Variants in ZNF236 observed in about 807,000 individuals in gnomAD.
ZNF236 encodes the protein zinc finger protein 236.
A neutral mutation model predicts 191.2 loss-of-function variants in ZNF236; 50 were observed. The observed-to-expected ratio is 0.26, with a 90% CI of 0.21 to 0.33. The LOEUF is 0.33. Ranked by LOEUF, ZNF236 falls within the 10% of genes least tolerant of loss-of-function variation. The probability of loss-of-function intolerance (pLI) is 1.00; values close to 1 mark genes in which losing one functional copy is unlikely to be tolerated. For missense variants in ZNF236, 1,754 were observed against 2,374.5 expected (o/e 0.74, Z 5.43); for synonymous variants, 907 against 928.8 (o/e 0.98, Z 0.43).
chr18:76,878,642 GACAT>G (rs962589961), intron 7 of ZNF236, among the ~76,000 whole-genome samples: 13 of 151,684 alleles, frequency 8.6e-5, no homozygotes, highest in East Asian at 7.8e-4. Context: ...CACACACAGG[GACAT>G]ACACCCACTC....
At chr18:76,889,535 C>T (rs1413284215) in intron 9 of ZNF236, among the ~76,000 whole-genome samples, 2 of 152,162 alleles carry the variant, frequency 1.3e-5, no homozygotes, top group African/African-American at 4.8e-5. Context: ...ACGTGGACCT[C>T]ACTGGCCATC....
intron 25 of ZNF236, among the ~76,000 whole-genome samples, chr18:76,936,915 G>T (rs1231178379): frequency 1.3e-5 from 2 of 152,128 alleles, no homozygotes; most frequent in African/African-American, 4.8e-5. Flanking sequence ...TTGTTTACTG[G>T]TTTTTCTCTG....
rs554578738 is a variant in ZNF236, at chr18:76,958,852, C to T, written c.5113-835C>T. Among the ~76,000 whole-genome samples the T allele has an allele frequency of 1.2e-3, 182 of 152,308 alleles. 3 individuals carry two copies. The highest frequency in any genetic ancestry group is 2.2e-3 in the Non-Finnish European group (152 of 68,034). On this transcript the variant is annotated intron_variant, in intron 28 of 30. Transcript: ENST00000320610. ...AGACTGTGCTGGGCCTTGAGCAGTG[C>T]GACATACGCAGCTGGAACACAGGCG... is the stretch of plus-strand genomic sequence containing the variant.
Position 76,925,072 on chromosome 18 carries a change from A to T in ZNF236, c.3662-117A>T. ...CTTATAGGTGAAAGGGATTCTCATT[A>T]AAGTACTTCCATCCACTGATTCAAC... On this transcript the variant is annotated intron_variant, in intron 21 of 30. Coordinates refer to ENST00000320610, the MANE Select transcript of ZNF236 (RefSeq NM_001306089.2). This position sits in a 1 kb window ranked among gnomAD's most constrained non-coding sequence, Gnocchi z 5.7. 1 of 1,444,924 alleles carries T rather than the reference A, an allele frequency of 6.9e-7. No homozygotes were observed. Among genetic ancestry groups the T allele is most frequent in the Non-Finnish European group, 9.3e-7 (1 of 1,076,382 alleles). The allele number at this position is 1,444,924 out of a possible 1,614,324, so 89.5% of individuals were successfully genotyped here.
At position 76,925,304 on chromosome 18, in the gene ZNF236, G is replaced by T. The variant is rs1967643336; in HGVS notation, c.3777G>T (p.Glu1259Asp). 1.9e-6 allele frequency: 3 copies of T among 1,614,188 alleles called. No homozygotes were observed. The highest frequency in any genetic ancestry group is 2.5e-6 in the Non-Finnish European group (3 of 1,180,054). ...GAKPFKCPHC[E>D]LRFRTSGRRK... The stretch of plus-strand genomic sequence containing the variant: ...AGCCCTTCAAATGCCCGCATTGCGA[G>T]CTGCGTTTCCGTACCTCGGGTAGAA... The change falls in exon 22 of 31, where the codon GAG (glutamate) becomes GAT (aspartate). Residue 1259 changes from glutamate (E) to aspartate (D), a missense_variant. Glu to Asp is a conservative substitution (Grantham distance 45). Around this residue, in one of 5 missense-constraint regions of ZNF236, gnomAD observed 45 missense variants for 137.4 expected, o/e 0.33. Coordinates refer to ENST00000320610, the MANE Select transcript of ZNF236 (RefSeq NM_001306089.2). The surrounding 1 kb of genome is among the most constrained non-coding windows in gnomAD (Gnocchi z 5.7).
At chr18:76,865,175 A>G (rs778605178) in intron 3 of ZNF236, among the ~76,000 whole-genome samples, 3 of 152,214 alleles carry the variant, frequency 2.0e-5, no homozygotes, top group Non-Finnish European at 2.9e-5. Flanking sequence ...CATCTCTACT[A>G]AAAATACAAA....
At chr18:76,909,390 G>A (rs1477422549) in intron 14 of ZNF236, among the ~76,000 whole-genome samples, 8 of 151,066 alleles carry the variant, frequency 5.3e-5, no homozygotes, top group African/African-American at 7.3e-5. Flanking sequence ...TTTTATCCCC[G>A]GTATATTGAG....
intron 11 of ZNF236, among the ~76,000 whole-genome samples, chr18:76,901,771 G>A (rs1008065128): frequency 9.9e-5 from 15 of 151,796 alleles, no homozygotes; most frequent in Non-Finnish European, 1.5e-4. Flanking sequence ...AAAAAAAAAA[G>A]TCTGATAATT....
intron 1 of ZNF236, chr18:76,824,504 TTTTGAGTTTTGGC>T: frequency 1.3e-6 from 1 of 777,676 alleles, no homozygotes. Flanking sequence ...CCTCTCCCGC[TTTTGAGTTTTGGC>T]CTTGACCTTA....
intron 1 of ZNF236, among the ~76,000 whole-genome samples, chr18:76,827,141 C>T (rs553045446): frequency 6.6e-6 from 1 of 151,788 alleles, no homozygotes; most frequent in African/African-American, 2.4e-5. Flanking sequence ...GGTGATCCTC[C>T]CACCTCGCCC....
At position 76,925,597 on chromosome 18, in the gene ZNF236, A is replaced by G. The variant is rs1437433878; in HGVS notation, c.4027+43A>G. 3 of 1,592,562 alleles carry G rather than the reference A, an allele frequency of 1.9e-6. No individual in the cohort carries two copies. The South Asian group carries it at 3.4e-5, about 18-fold the overall frequency. ...GGAATGAGAGCAGCACAGTGATTGA[A>G]CTGTTCTGTGCTGCTTCTGTCTGTT... is the stretch of plus-strand genomic sequence containing the variant. On this transcript the variant is annotated intron_variant, in intron 22 of 30. Transcript: ENST00000320610. This position sits in a 1 kb window ranked among gnomAD's most constrained non-coding sequence, Gnocchi z 5.7.
chr18:76,960,599 C>G lies in ZNF236; in HGVS notation c.5243-80C>G. On this transcript the variant is annotated intron_variant, in intron 29 of 30. Transcript: ENST00000320610. The surrounding 1 kb of genome is among the most constrained non-coding windows in gnomAD (Gnocchi z 4.4). ...AAGAAAAGAGGAACATTCAGTCCCT[C>G]TTGTTCATACCTCAGGGTAGAGCCC... 5 of 1,529,310 alleles carry G rather than the reference C, an allele frequency of 3.3e-6. No homozygotes were observed. The highest frequency in any genetic ancestry group is 1.7e-5 in the Admixed American group (1 of 58,234). 94.7% of individuals were successfully genotyped at this position (1,529,310 alleles called of 1,614,324 possible).
At chr18:76,823,308 A>G (rs1465378996) in intron 1 of ZNF236, among the ~76,000 whole-genome samples, 4 of 151,984 alleles carry the variant, frequency 2.6e-5, no homozygotes, top group Non-Finnish European at 5.9e-5. Flanking sequence ...AGTAGGCGCC[A>G]TTGTGATCCG....
At chr18:76,913,659 T>C (rs1231524662) in intron 17 of ZNF236, 88 bp from the exon 18 acceptor site, 2 of 1,417,702 alleles carry the variant, frequency 1.4e-6, no homozygotes, top group Non-Finnish European at 1.9e-6. Flanking sequence ...TTGGTGAAGC[T>C]TGTTTGCTTT....
intron 26 of ZNF236, 37 bp from the exon 27 acceptor site, chr18:76,947,484 A>C: frequency 6.3e-7 from 1 of 1,591,550 alleles, no homozygotes; most frequent in Non-Finnish European, 8.6e-7. Flanking sequence ...GTTTTGCTAA[A>C]GTTACAACTT....
chr18:76,856,123 T>C (rs567875134), intron 3 of ZNF236, among the ~76,000 whole-genome samples: 2 of 151,990 alleles, frequency 1.3e-5, no homozygotes, highest in Admixed American at 6.6e-5. Context: ...CCCAGGCTGC[T>C]CTTGAACTCC....
In ZNF236 at chr18:76,968,394, G is replaced by C. The variant is rs1017037640; in HGVS notation, c.*55G>C. 6.4e-7 allele frequency: 1 copy of C among 1,565,616 alleles called. No homozygotes were observed. Among genetic ancestry groups the C allele is most frequent in the South Asian group, 1.2e-5 (1 of 83,118 alleles). ...TTTCTGAAGTTACGTTTTGTGAAGA[G>C]CAAAGCACTTGGAATCTCCGTTTTA... On this transcript the variant is annotated 3_prime_UTR_variant, in exon 31 of 31. Transcript: ENST00000320610.
chr18:76,956,210 G>C, intron 28 of ZNF236, 28 bp downstream of exon 28: 2 of 1,540,110 alleles, frequency 1.3e-6, no homozygotes, highest in Non-Finnish European at 1.7e-6. Context: ...GGGCACAGCT[G>C]TGTGCCCCCC....
intron 18 of ZNF236, among the ~76,000 whole-genome samples, chr18:76,914,239 A>G (rs1421378263): frequency 1.3e-5 from 2 of 152,204 alleles, no homozygotes; most frequent in Non-Finnish European, 2.9e-5. Flanking sequence ...CAGTGTGCTC[A>G]AGTTTCACCT....
Sources: allele counts gnomAD v4.1 joint callset (sites outside exome capture counted in the v4.1 genomes callset), GRCh38; gene constraint gnomAD v4.1.1; regional missense constraint gnomAD v4.1.1; non-coding constraint Gnocchi (gnomAD v3.1); transcripts MANE v1.5; gene names NCBI Gene and HGNC (gene_info 2026-07-23, HGNC 2026-07-21).